Variants in PPP1R9A observed in about 807,000 individuals in gnomAD.
The protein encoded by PPP1R9A is neurabin-1.
PPP1R9A carries 59 observed loss-of-function variants against 141.9 expected under a neutral mutation model. The ratio of observed to expected loss-of-function variants is 0.42; its 90% CI spans 0.34 to 0.52. The LOEUF is 0.52. Ranked by LOEUF, PPP1R9A falls within the 20% of genes least tolerant of loss-of-function variation. The pLI, the probability that PPP1R9A is intolerant of heterozygous loss-of-function variation, is 0.10. For missense variants in PPP1R9A, 1,444 were observed against 1,611.9 expected (o/e 0.90, Z 1.78); for synonymous variants, 500 against 569.7 (o/e 0.88, Z 1.74).
At chr7:95,084,303 A>G (rs910165833) in intron 2 of PPP1R9A, among the ~76,000 whole-genome samples, 10 of 152,050 alleles carry the variant, frequency 6.6e-5, no homozygotes, top group Non-Finnish European at 1.2e-4. Context: ...TTAGAAGGAC[A>G]TGATGAAATA....
At chr7:95,158,471 A>G (rs942270906) in intron 4 of PPP1R9A, among the ~76,000 whole-genome samples, 2 of 152,174 alleles carry the variant, frequency 1.3e-5, no homozygotes, top group African/African-American at 2.4e-5. Context: ...CCTAGGCAAC[A>G]TAGTGAGACC....
intron 8 of PPP1R9A, among the ~76,000 whole-genome samples, chr7:95,233,257 A>T (rs1276890444): frequency 6.6e-6 from 1 of 152,132 alleles, no homozygotes. Flanking sequence ...TTCTCAGCAA[A>T]CTAACACAGG....
chr7:95,158,186 A>G (rs1829925098), intron 4 of PPP1R9A, among the ~76,000 whole-genome samples: 2 of 152,200 alleles, frequency 1.3e-5, no homozygotes, highest in Admixed American at 1.3e-4. Flanking sequence ...AAAACTTGAC[A>G]TATATTGCAC....
intron 5 of PPP1R9A, among the ~76,000 whole-genome samples, chr7:95,180,672 A>G (rs187737973): frequency 2.7e-4 from 41 of 152,202 alleles, no homozygotes; most frequent in Admixed American, 1.6e-3. Context: ...ATCTCAAACA[A>G]ATCAGCAAGA....
intron 4 of PPP1R9A, among the ~76,000 whole-genome samples, chr7:95,133,821 T>C (rs768510890): frequency 2.0e-5 from 3 of 151,954 alleles, no homozygotes; most frequent in Non-Finnish European, 2.9e-5. Context: ...TCCCAAGTAG[T>C]TGGGACCACA....
At chr7:95,142,527 T>C (rs146324857) in intron 4 of PPP1R9A, among the ~76,000 whole-genome samples, 12 of 152,198 alleles carry the variant, frequency 7.9e-5, no homozygotes, top group Admixed American at 7.9e-4. Flanking sequence ...GTTAATTTTG[T>C]ATAAGGTGTG....
At chr7:95,108,276 T>TTTTTC (rs949745847) in intron 2 of PPP1R9A, among the ~76,000 whole-genome samples, 6 of 128,288 alleles carry the variant, frequency 4.7e-5, no homozygotes, top group Non-Finnish European at 1.0e-4. Flanking sequence ...TTTCTTTTTC[T>TTTTTC]TTTTCTTTTC....
intron 2 of PPP1R9A, among the ~76,000 whole-genome samples, chr7:95,021,186 G>A (rs1277066639): frequency 6.6e-6 from 1 of 152,026 alleles, no homozygotes; most frequent in African/African-American, 2.4e-5. Context: ...GTGAGATGGT[G>A]TCTCATTGTG....
intron 6 of PPP1R9A, among the ~76,000 whole-genome samples, chr7:95,201,201 AT>A (rs925688305): frequency 4.0e-5 from 6 of 151,438 alleles, no homozygotes; most frequent in Non-Finnish European, 7.4e-5. Context: ...GAGTACTCAA[AT>A]TTTTTTTAAT....
At chr7:95,166,772 T>C (rs1389018442) in intron 5 of PPP1R9A, among the ~76,000 whole-genome samples, 4 of 152,190 alleles carry the variant, frequency 2.6e-5, no homozygotes, top group Non-Finnish European at 4.4e-5. Context: ...AGCGAAATAC[T>C]AGCAAACCAA....
At chr7:95,244,193 C>T (rs140403696) in intron 8 of PPP1R9A, among the ~76,000 whole-genome samples, 39 of 152,264 alleles carry the variant, frequency 2.6e-4, no homozygotes, top group African/African-American at 8.4e-4. Flanking sequence ...CCAAACTTTG[C>T]GCAGTTGTTC....
intron 12 of PPP1R9A, 51 bp downstream of exon 12, chr7:95,252,181 C>A: frequency 6.8e-7 from 1 of 1,464,956 alleles, no homozygotes; most frequent in Non-Finnish European, 9.0e-7. Context: ...TGTAATTTGG[C>A]CTTTTATTTT....
intron 8 of PPP1R9A, among the ~76,000 whole-genome samples, chr7:95,234,142 A>G (rs1198455626): frequency 2.0e-5 from 3 of 152,188 alleles, no homozygotes; most frequent in African/African-American, 7.2e-5. Flanking sequence ...GCCCACTTTC[A>G]GTACTTGCAT....
At chr7:95,135,210 A>G (rs1825432262) in intron 4 of PPP1R9A, among the ~76,000 whole-genome samples, 1 of 152,104 alleles carries the variant, frequency 6.6e-6, no homozygotes, top group Non-Finnish European at 1.5e-5. Flanking sequence ...ACATGTGCGT[A>G]TTTGTGTATG....
intron 2 of PPP1R9A, among the ~76,000 whole-genome samples, chr7:95,069,090 G>A (rs1313335074): frequency 6.6e-6 from 1 of 152,148 alleles, no homozygotes; most frequent in Non-Finnish European, 1.5e-5. Context: ...AGTTGTTATA[G>A]TATATTGTTT....
intron 16 of PPP1R9A, 106 bp from the exon 17 acceptor site, chr7:95,283,912 C>A: frequency 1.0e-6 from 1 of 971,440 alleles, no homozygotes; most frequent in Non-Finnish European, 1.5e-6. Flanking sequence ...TTGAATAGAA[C>A]AGTTTCTCAA....
At chr7:95,231,690 C>G (rs1795981218) in intron 8 of PPP1R9A, among the ~76,000 whole-genome samples, 1 of 151,958 alleles carries the variant, frequency 6.6e-6, no homozygotes, top group African/African-American at 2.4e-5. Context: ...GTTATTCGAA[C>G]TATATGATAA....
chr7:95,132,967 T>C (rs1405271650), intron 4 of PPP1R9A, among the ~76,000 whole-genome samples: 1 of 152,138 alleles, frequency 6.6e-6, no homozygotes, highest in Non-Finnish European at 1.5e-5. Flanking sequence ...GATCGTTTGC[T>C]CCTGCTGCCT....
At chr7:94,909,785 C>G in intron 1 of PPP1R9A, 113 bp from the exon 2 acceptor site, 1 of 162,886 alleles carries the variant, frequency 6.1e-6, no homozygotes, top group Non-Finnish European at 1.3e-5. Context: ...AATGAGTAAT[C>G]TCTTCTGTTT....
Sources: gnomAD v4.1 joint callset for allele counts (sites outside exome capture counted in the v4.1 genomes callset) on GRCh38, gnomAD v4.1.1 for gene constraint, MANE v1.5 for transcripts, NCBI Gene and HGNC (gene_info 2026-07-23, HGNC 2026-07-21) for gene names.